Variants in FRMPD2 observed in about 807,000 individuals in gnomAD.
FRMPD2 encodes FERM and PDZ domain-containing protein 2.
In FRMPD2, 96 loss-of-function variants were observed where a neutral mutation model predicts 140.1. The ratio of observed to expected loss-of-function variants is 0.69; its 90% CI spans 0.58 to 0.81. The LOEUF (loss-of-function observed/expected upper bound fraction) is 0.81, where lower values mean the gene tolerates loss of function less well. Ranked by LOEUF, FRMPD2 falls within the 40% of genes least tolerant of loss-of-function variation. The probability of loss-of-function intolerance (pLI) is 0.00; values close to 1 mark genes in which losing one functional copy is unlikely to be tolerated. For synonymous variants in FRMPD2, 449 were observed against 547.6 expected (o/e 0.82, Z 2.52); for missense variants, 1,240 against 1,447.4 (o/e 0.86, Z 2.32).
intron 10 of FRMPD2, among the ~76,000 whole-genome samples, chr10:48,224,454 G>A (rs72792233): frequency 0.13 from 19,518 of 152,160 alleles, 1,574 homozygotes; most frequent in Non-Finnish European, 0.17. Context: ...GCATGCTGGG[G>A]TGGGGAGGGG....
intron 12 of FRMPD2, among the ~76,000 whole-genome samples, chr10:48,213,200 T>C (rs1839371368): frequency 6.6e-6 from 1 of 152,154 alleles, no homozygotes; most frequent in Non-Finnish European, 1.5e-5. Flanking sequence ...AATCCTCAGG[T>C]TGGTGCTGGC....
rs376727494 is a variant in FRMPD2 at position 48,242,370 on chromosome 10, C to A, written c.376-18G>T. 1.4e-5 allele frequency: 23 copies of A among 1,605,206 alleles called. No individual in the cohort carries two copies. Among genetic ancestry groups the A allele is most frequent in the Non-Finnish European group, 1.7e-5 (20 of 1,174,458 alleles). On this transcript the variant is annotated intron_variant, in intron 4 of 28. Transcript: ENST00000374201. ...TGCAGGGGCTGGAGGCAGACAGGGC[C>A]GGTGAGAGGAGAGAGCAGCCAGAGC...
chr10:48,212,210 G>T, intron 12 of FRMPD2, 101 bp from the exon 13 acceptor site: 9 of 1,216,234 alleles, frequency 7.4e-6, no homozygotes, highest in Non-Finnish European at 1.0e-5. Context: ...CCAGGAGGGC[G>T]CCAGAGAAAG....
Position 48,231,753 on chromosome 10 carries a change from G to C in FRMPD2, c.1168+362C>G, listed in dbSNP as rs1839852605. Among the ~76,000 whole-genome samples the C allele has an allele frequency of 2.6e-5, 4 of 152,158 alleles. No homozygotes were observed. In the South Asian group the frequency reaches 8.3e-4, roughly 32 times the overall value. ...CCCTTTTTCTTGGATATTTAGAATG[G>C]AGTCTTAATTAGCTCCTAGGGTCAG... On this transcript the variant is annotated intron_variant, in intron 10 of 28. Transcript: ENST00000374201.
chr10:48,158,235 G>T (rs1436150371), intron 28 of FRMPD2, among the ~76,000 whole-genome samples: 5 of 148,244 alleles, frequency 3.4e-5, no homozygotes, highest in Non-Finnish European at 4.5e-5. Flanking sequence ...GGGACTTGGT[G>T]GTCCCAAGGG....
intron 6 of FRMPD2, among the ~76,000 whole-genome samples, chr10:48,239,940 A>G (rs1377426292): frequency 1.3e-5 from 2 of 152,200 alleles, no homozygotes; most frequent in East Asian, 1.9e-4. Context: ...GACAACAAAC[A>G]ATAACATTAA....
intron 10 of FRMPD2, among the ~76,000 whole-genome samples, chr10:48,229,606 A>G (rs951440071): frequency 7.9e-5 from 12 of 152,160 alleles, no homozygotes; most frequent in African/African-American, 2.9e-4. Context: ...ATTTATAAAT[A>G]TAGTTTTGAT....
chr10:48,186,181 T>G (rs1329126627), intron 17 of FRMPD2, among the ~76,000 whole-genome samples: 1 of 152,238 alleles, frequency 6.6e-6, no homozygotes, highest in Non-Finnish European at 1.5e-5. Flanking sequence ...AAGCTGTTCC[T>G]GGAGAGCTGG....
intron 10 of FRMPD2, among the ~76,000 whole-genome samples, chr10:48,228,635 A>ACTTTCTAGT: frequency 6.6e-6 from 1 of 152,114 alleles, no homozygotes; most frequent in Non-Finnish European, 1.5e-5. Flanking sequence ...ATGATTGCTT[A>ACTTTCTAGT]CTTTCTAGTT....
At chr10:48,271,313 G>C (rs554908507) in intron 1 of FRMPD2, among the ~76,000 whole-genome samples, 9 of 152,308 alleles carry the variant, frequency 5.9e-5, no homozygotes, top group South Asian at 2.1e-4. Flanking sequence ...GATGCTGCCT[G>C]CACTCTGGAC....
chr10:48,261,170 G>C (rs1350067447), intron 1 of FRMPD2, among the ~76,000 whole-genome samples: 1 of 152,098 alleles, frequency 6.6e-6, no homozygotes, highest in African/African-American at 2.4e-5. Flanking sequence ...ATTTCAAAAG[G>C]TGTGACATAT....
At chr10:48,201,471 G>C in intron 14 of FRMPD2, 87 bp from the exon 15 acceptor site, 2 of 1,259,652 alleles carry the variant, frequency 1.6e-6, no homozygotes, top group Non-Finnish European at 1.1e-6. Context: ...TCGGTCCCTT[G>C]GTTCCACACC....
intron 1 of FRMPD2, among the ~76,000 whole-genome samples, chr10:48,261,387 CA>C (rs932252048): frequency 2.0e-5 from 3 of 149,788 alleles, no homozygotes; most frequent in Admixed American, 6.6e-5. Flanking sequence ...TATTCCCCAG[CA>C]AAAAAAAGTG....
At chr10:48,258,431 A>C (rs1588858928) in intron 1 of FRMPD2, among the ~76,000 whole-genome samples, 1 of 152,206 alleles carries the variant, frequency 6.6e-6, no homozygotes, top group East Asian at 1.9e-4. Context: ...CCCTGATTTA[A>C]ATAGTGGCTA....
chr10:48,160,837 C>T (rs1239008599), intron 28 of FRMPD2, among the ~76,000 whole-genome samples: 1 of 148,788 alleles, frequency 6.7e-6, no homozygotes, highest in Non-Finnish European at 1.5e-5. Context: ...GAACTGTGTC[C>T]AGGGGTCGCT....
intron 1 of FRMPD2, among the ~76,000 whole-genome samples, chr10:48,256,175 A>G (rs1730446): frequency 0.051 from 7,810 of 152,126 alleles, 650 homozygotes; most frequent in African/African-American, 0.18. Context: ...CTGTAAGTGG[A>G]GATGGTTTTA....
intron 28 of FRMPD2, among the ~76,000 whole-genome samples, chr10:48,159,618 G>T (rs1431514980): frequency 6.6e-6 from 1 of 151,872 alleles, no homozygotes; most frequent in East Asian, 1.9e-4. Context: ...TCCAGGCAGT[G>T]CCCTTCCCCA....
chr10:48,200,874 C>A (rs1306898032), intron 15 of FRMPD2, among the ~76,000 whole-genome samples: 2 of 152,182 alleles, frequency 1.3e-5, no homozygotes, highest in African/African-American at 4.8e-5. Flanking sequence ...CCCTAGTAGA[C>A]ATCCATGGGC....
chr10:48,160,391 G>A (rs1837904613), intron 28 of FRMPD2, among the ~76,000 whole-genome samples: 1 of 150,994 alleles, frequency 6.6e-6, no homozygotes, highest in Non-Finnish European at 1.5e-5. Context: ...GGTAAGTTCC[G>A]GCAATTTGCT....
Sources: gnomAD v4.1 joint callset for allele counts (sites outside exome capture counted in the v4.1 genomes callset) on GRCh38, gnomAD v4.1.1 for gene constraint, MANE v1.5 for transcripts, NCBI Gene and HGNC (gene_info 2026-07-23, HGNC 2026-07-21) for gene names.